Variants in C1orf74 observed in about 807,000 individuals in gnomAD.
C1orf74 encodes the protein UPF0739 protein C1orf74.
C1orf74 carries 5 observed loss-of-function variants against 7.3 expected under a neutral mutation model. The observed-to-expected ratio is 0.68, with a 90% CI of 0.36 to 1.44. The LOEUF (loss-of-function observed/expected upper bound fraction) is 1.44, where lower values mean the gene tolerates loss of function less well. Among genes scored for constraint, C1orf74 ranks in the 40% most tolerant of loss-of-function variants. The pLI, the probability that C1orf74 is intolerant of heterozygous loss-of-function variation, is 0.04. For missense variants in C1orf74, 291 were observed against 314.3 expected, an observed-to-expected ratio of 0.93 and a Z score of 0.56; for synonymous variants, 121 against 132.5, an observed-to-expected ratio of 0.91 and a Z score of 0.59.
chr1:209,782,809 G>A lies in C1orf74; in HGVS notation c.*16C>T. ...ATCATTTACTGAGTACCTTCTATAT[G>A]GGAGGAGAGTTAAAGTCAGAGGGCC... On this transcript the variant is annotated 3_prime_UTR_variant, in exon 2 of 2. Transcript: ENST00000294811. 6.2e-7 allele frequency: 1 copy of A among 1,609,408 alleles called. No homozygotes were observed. The highest frequency in any genetic ancestry group is 1.3e-5 in the African/African-American group (1 of 74,916).
Position 209,781,539 on chromosome 1 carries a change from T to A in C1orf74, c.*1286A>T. On this transcript the variant is annotated 3_prime_UTR_variant, in exon 2 of 2. Coordinates refer to ENST00000294811, the MANE Select transcript of C1orf74 (RefSeq NM_152485.4). Reference sequence around the variant, plus strand: ...AACCAAGTTTTGCACATAAAATATATCAGCCCACGCCAACAACTGGCCATC... The same window carrying A: ...AACCAAGTTTTGCACATAAAATATAACAGCCCACGCCAACAACTGGCCATC... 1 of 1,024,358 alleles carries A rather than the reference T, an allele frequency of 9.8e-7. No homozygotes were observed. The highest frequency in any genetic ancestry group is 1.5e-6 in the Non-Finnish European group (1 of 656,700). 63.5% of individuals were successfully genotyped at this position (1,024,358 alleles called of 1,614,324 possible). A position where few individuals can be genotyped will look rare whatever the true frequency, so the allele number is the denominator to read the frequency against.
chr1:209,782,244 C>A lies in C1orf74; in HGVS notation c.*581G>T, dbSNP rs913024091. On this transcript the variant is annotated 3_prime_UTR_variant, in exon 2 of 2. Coordinates refer to ENST00000294811, the MANE Select transcript of C1orf74 (RefSeq NM_152485.4). ...GTACATTACAGCTTGGGTTTTCCAA[C>A]TGACTTAGGATTTCTGACTTTTTAT... 1.4e-5 allele frequency: 13 copies of A among 932,818 alleles called. No homozygotes were observed. The highest frequency in any genetic ancestry group is 2.1e-4 in the Middle Eastern group (1 of 4,722). The allele number at this position is 932,818 out of a possible 1,614,324, so 57.8% of individuals were successfully genotyped here.
chr1:209,779,822 G>A lies in C1orf74; in HGVS notation c.*3003C>T, dbSNP rs923037968. ...ACAGAGGGGCAATAGCTCCTCACCT[G>A]TCCACTACACACGACCTTTTGTTTT... On this transcript the variant is annotated 3_prime_UTR_variant, in exon 2 of 2. Coordinates refer to ENST00000294811, the MANE Select transcript of C1orf74 (RefSeq NM_152485.4). The A allele has an allele frequency of 6.1e-6, 2 of 330,212 alleles. No individual in the cohort carries two copies. Among genetic ancestry groups the A allele is most frequent in the Non-Finnish European group, 1.1e-5 (2 of 178,954 alleles). The allele number at this position is 330,212 out of a possible 1,614,324, so 20.5% of individuals were successfully genotyped here. A position where few individuals can be genotyped will look rare whatever the true frequency, so the allele number is the denominator to read the frequency against.
rs758375285 is a variant in C1orf74 at position 209,780,484 on chromosome 1, G to C, written c.*2341C>G. 5.7e-6 allele frequency: 9 copies of C among 1,592,492 alleles called. No individual in the cohort carries two copies. The highest frequency in any genetic ancestry group is 4.1e-5 in the African/African-American group (3 of 73,840). On this transcript the variant is annotated 3_prime_UTR_variant, in exon 2 of 2. Coordinates refer to ENST00000294811, the MANE Select transcript of C1orf74 (RefSeq NM_152485.4). ...TGCTTTTTTAGATCAGGCTTTGCCC[G>C]TGTGGAGTCCAAAGTCCTTCCCTAA... is the stretch of plus-strand genomic sequence containing the variant.
Position 209,779,573 on chromosome 1 carries a change from T to C in C1orf74, c.*3252A>G, listed in dbSNP as rs75759415. ...CTAGTTAGCCTTCTATCTTGAGGTA[T>C]ATAAACTGTGAAAAAGGGTTTCTAT... On this transcript the variant is annotated 3_prime_UTR_variant, in exon 2 of 2. Coordinates refer to ENST00000294811, the MANE Select transcript of C1orf74 (RefSeq NM_152485.4). The C allele has an allele frequency of 3.9e-3, 2,726 of 691,794 alleles. 51 individuals carry two copies. The highest frequency in any genetic ancestry group is 0.038 in the African/African-American group (2,155 of 56,126). The allele number at this position is 691,794 out of a possible 1,614,324, so 42.9% of individuals were successfully genotyped here. A position where few individuals can be genotyped will look rare whatever the true frequency, so the allele number is the denominator to read the frequency against.
At position 209,781,222 on chromosome 1, in the gene C1orf74, G is replaced by C. The variant is rs1440350774; in HGVS notation, c.*1603C>G. On this transcript the variant is annotated 3_prime_UTR_variant, in exon 2 of 2. Transcript: ENST00000294811. ...AGACAAACTCAAATCCCTGAGAATG[G>C]CTGGGAAGGGAAGATGGTGGTAAAA... 6 of 605,826 alleles carry C rather than the reference G, an allele frequency of 9.9e-6. No homozygotes were observed. The highest frequency in any genetic ancestry group is 1.8e-5 in the Non-Finnish European group (6 of 330,636). 37.5% of individuals were successfully genotyped at this position (605,826 alleles called of 1,614,324 possible). A position where few individuals can be genotyped will look rare whatever the true frequency, so the allele number is the denominator to read the frequency against.
At position 209,784,049 on chromosome 1, in the gene C1orf74, C is replaced by G. The variant is rs571998502; in HGVS notation, c.-76+329G>C. Among the ~76,000 whole-genome samples the G allele has an allele frequency of 1.1e-4, 17 of 152,290 alleles. No individual in the cohort carries two copies. In the South Asian group the frequency reaches 3.5e-3, roughly 32 times the overall value. On this transcript the variant is annotated intron_variant, in intron 1 of 1. Transcript: ENST00000294811. Reference sequence around the variant, plus strand: ...ATTCACAGCATTTCGCCCAAAAGCCCTTCTGGGACAGAGCTCCAAGTTCCA... The same window carrying G: ...ATTCACAGCATTTCGCCCAAAAGCCGTTCTGGGACAGAGCTCCAAGTTCCA...
chr1:209,780,316 A>C lies in C1orf74; in HGVS notation c.*2509T>G. 1.7e-6 allele frequency: 1 copy of C among 595,416 alleles called. No individual in the cohort carries two copies. Among genetic ancestry groups the C allele is most frequent in the Non-Finnish European group, 2.6e-6 (1 of 380,644 alleles). The allele number at this position is 595,416 out of a possible 1,614,324, so 36.9% of individuals were successfully genotyped here. ...CCAAGCTTAGCAGGGGCCTACTGGA[A>C]GTTAACCTTTATGTCAGAGAATGCC... On this transcript the variant is annotated 3_prime_UTR_variant, in exon 2 of 2. Transcript: ENST00000294811.
At chr1:209,783,873 A>C (rs1319740075) in intron 1 of C1orf74, among the ~76,000 whole-genome samples, 164 bp from the exon 2 acceptor site, 1 of 152,170 alleles carries the variant, frequency 6.6e-6, no homozygotes, top group Non-Finnish European at 1.5e-5. Flanking sequence ...GGTCTCCCTC[A>C]ATCATAAATT....
In C1orf74 at chr1:209,779,261, A is replaced by T; in HGVS notation, c.*3564T>A. 1.3e-6 allele frequency: 2 copies of T among 1,520,752 alleles called. No individual in the cohort carries two copies. The highest frequency in any genetic ancestry group is 1.8e-6 in the Non-Finnish European group (2 of 1,101,558). 94.2% of individuals were successfully genotyped at this position (1,520,752 alleles called of 1,614,324 possible). ...GTTCTAAGCAAAGTTCTGAAAAGAA[A>T]ACTTTTTGTAGTAAATATGCTAGCA... On this transcript the variant is annotated 3_prime_UTR_variant, in exon 2 of 2. Transcript: ENST00000294811.
At chr1:209,783,763 G>A (rs1340174542) in intron 1 of C1orf74, 54 bp from the exon 2 acceptor site, 1 of 764,514 alleles carries the variant, frequency 1.3e-6, no homozygotes, top group South Asian at 1.9e-5. Flanking sequence ...TTAAATCGCG[G>A]TATCTTCCAA....
In C1orf74 at chr1:209,782,608, T is replaced by C. The variant is rs981170451; in HGVS notation, c.*217A>G. 1.0e-4 allele frequency: 61 copies of C among 587,734 alleles called. 1 individual carries two copies. The highest frequency in any genetic ancestry group is 1.5e-5 in the Non-Finnish European group (5 of 331,376). The allele number at this position is 587,734 out of a possible 1,614,324, so 36.4% of individuals were successfully genotyped here. On this transcript the variant is annotated 3_prime_UTR_variant, in exon 2 of 2. Coordinates refer to ENST00000294811, the MANE Select transcript of C1orf74 (RefSeq NM_152485.4). Reference sequence around the variant, plus strand: ...AAACATCTCCACTAAGAGGACTTCCTAGTATAGAAATGGCAAGTATGTACT... The same window carrying C: ...AAACATCTCCACTAAGAGGACTTCCCAGTATAGAAATGGCAAGTATGTACT...
chr1:209,779,461 G>A lies in C1orf74; in HGVS notation c.*3364C>T, dbSNP rs1265277426. 3.5e-6 allele frequency: 4 copies of A among 1,149,446 alleles called. No individual in the cohort carries two copies. In the African/African-American group the frequency reaches 6.1e-5, roughly 18 times the overall value. 71.2% of individuals were successfully genotyped at this position (1,149,446 alleles called of 1,614,324 possible). A position where few individuals can be genotyped will look rare whatever the true frequency, so the allele number is the denominator to read the frequency against. On this transcript the variant is annotated 3_prime_UTR_variant, in exon 2 of 2. Transcript: ENST00000294811. Reference sequence around the variant, plus strand: ...GCGGGATGGACTACATGACCTCCTGGAGTCCCAGCCAGTTCTGGGAGTCTG... The same window carrying A: ...GCGGGATGGACTACATGACCTCCTGAAGTCCCAGCCAGTTCTGGGAGTCTG...
At position 209,781,322 on chromosome 1, in the gene C1orf74, G is replaced by C; in HGVS notation, c.*1503C>G. The C allele has an allele frequency of 6.5e-7, 1 of 1,532,008 alleles. No individual in the cohort carries two copies. Among genetic ancestry groups the C allele is most frequent in the Non-Finnish European group, 9.0e-7 (1 of 1,107,110 alleles). 94.9% of individuals were successfully genotyped at this position (1,532,008 alleles called of 1,614,324 possible). A position where few individuals can be genotyped will look rare whatever the true frequency, so the allele number is the denominator to read the frequency against. On this transcript the variant is annotated 3_prime_UTR_variant, in exon 2 of 2. Coordinates refer to ENST00000294811, the MANE Select transcript of C1orf74 (RefSeq NM_152485.4). Reference sequence around the variant, plus strand: ...TGTCCTAGACAGAAGTGACAGTGATGACTTTGGTGATGTTCTCCCCAGTGC... The same window carrying C: ...TGTCCTAGACAGAAGTGACAGTGATCACTTTGGTGATGTTCTCCCCAGTGC...
chr1:209,783,742 C>A (rs943734399), intron 1 of C1orf74, 33 bp from the exon 2 acceptor site: 13 of 915,188 alleles, frequency 1.4e-5, no homozygotes, highest in Non-Finnish European at 2.2e-5. Context: ...GAATTATTAA[C>A]AGCCTTCCTG....
chr1:209,782,632 C>G lies in C1orf74; in HGVS notation c.*193G>C. The G allele has an allele frequency of 1.6e-6, 1 of 621,528 alleles. No individual in the cohort carries two copies. Among genetic ancestry groups the G allele is most frequent in the Non-Finnish European group, 2.8e-6 (1 of 354,174 alleles). The allele number at this position is 621,528 out of a possible 1,614,324, so 38.5% of individuals were successfully genotyped here. A position where few individuals can be genotyped will look rare whatever the true frequency, so the allele number is the denominator to read the frequency against. On this transcript the variant is annotated 3_prime_UTR_variant, in exon 2 of 2. Transcript: ENST00000294811. ...CTAGTATAGAAATGGCAAGTATGTA[C>G]TATCTACCAATTTGCTACTAGCACC...
chr1:209,780,615 G>A lies in C1orf74; in HGVS notation c.*2210C>T, dbSNP rs1222313788. 1.9e-6 allele frequency: 3 copies of A among 1,573,472 alleles called. No individual in the cohort carries two copies. The highest frequency in any genetic ancestry group is 2.7e-5 in the African/African-American group (2 of 73,130). On this transcript the variant is annotated 3_prime_UTR_variant, in exon 2 of 2. Transcript: ENST00000294811. ...AGGCCAAGGAAAAGGAGGTGAGAGGGTGACCTGAGATAGTGAGGGCTCATT... is the reference window on the plus strand; with the variant it reads ...AGGCCAAGGAAAAGGAGGTGAGAGGATGACCTGAGATAGTGAGGGCTCATT...
In C1orf74 at chr1:209,779,712, C is replaced by A. The variant is rs2077736168; in HGVS notation, c.*3113G>T. The A allele has an allele frequency of 3.4e-6, 2 of 589,494 alleles. No individual in the cohort carries two copies. Among genetic ancestry groups the A allele is most frequent in the East Asian group, 2.8e-5 (1 of 35,400 alleles). The allele number at this position is 589,494 out of a possible 1,614,324, so 36.5% of individuals were successfully genotyped here. ...TCCAAATCACATCCAACTCCCCAGCCCCAAACCACATAGCAGTCCAGAGTC... is the reference window on the plus strand; with the variant it reads ...TCCAAATCACATCCAACTCCCCAGCACCAAACCACATAGCAGTCCAGAGTC... On this transcript the variant is annotated 3_prime_UTR_variant, in exon 2 of 2. Coordinates refer to ENST00000294811, the MANE Select transcript of C1orf74 (RefSeq NM_152485.4).
rs918546502 is a variant in C1orf74 at position 209,779,213 on chromosome 1, T to C, written c.*3612A>G. The stretch of plus-strand genomic sequence containing the variant: ...GGGACAAAATTCAACACACAGCAGA[T>C]GGGAACATATTTAATAACCAAGGTT... On this transcript the variant is annotated 3_prime_UTR_variant, in exon 2 of 2. Coordinates refer to ENST00000294811, the MANE Select transcript of C1orf74 (RefSeq NM_152485.4). 5 of 886,200 alleles carry C rather than the reference T, an allele frequency of 5.6e-6. No homozygotes were observed. Among genetic ancestry groups the C allele is most frequent in the African/African-American group, 1.7e-5 (1 of 59,492 alleles). 54.9% of individuals were successfully genotyped at this position (886,200 alleles called of 1,614,324 possible).
Sources: gnomAD v4.1 joint callset for allele counts (sites outside exome capture counted in the v4.1 genomes callset) on GRCh38, gnomAD v4.1.1 for gene constraint, MANE v1.5 for transcripts, NCBI Gene and HGNC (gene_info 2026-07-23, HGNC 2026-07-21) for gene names.